PPL: variants seen among roughly 807,000 people sequenced by gnomAD.
PPL encodes 190 kDa paraneoplastic pemphigus antigen.
Under a neutral mutation model 194.4 loss-of-function variants are expected in PPL, and 198 were observed. The ratio of observed to expected loss-of-function variants is 1.02; its 90% confidence interval spans 0.91 to 1.15. PPL has a LOEUF of 1.15. Among genes scored for constraint, PPL ranks in the 50% most tolerant of loss-of-function variants. The probability of loss-of-function intolerance (pLI) is 0.00; values close to 1 mark genes in which losing one functional copy is unlikely to be tolerated. For synonymous variants in PPL, 1,220 were observed against 972.4 expected (o/e 1.25, Z -4.74); for missense variants, 2,885 against 2,294.8 (o/e 1.26, Z -5.25).
chr16:4,894,366 C>G lies in PPL; in HGVS notation c.1394+101G>C, dbSNP rs565199038. 5 of 1,462,798 alleles carry G rather than the reference C, an allele frequency of 3.4e-6. No homozygotes were observed. The Admixed American group carries it at 1.0e-4, about 30-fold the overall frequency. The allele number at this position is 1,462,798 out of a possible 1,614,324, so 90.6% of individuals were successfully genotyped here. On this transcript the variant is annotated intron_variant, in intron 12 of 21. Coordinates refer to ENST00000345988, the MANE Select transcript of PPL (RefSeq NM_002705.5). ...GATGGAGAGTGTCAGCGACCCCGCG[C>G]TCCCCACAGGCTGAGTCCAAATCCC...
chr16:4,904,802 T>A (rs1247688002), intron 2 of PPL, among the ~76,000 whole-genome samples: 3 of 150,772 alleles, frequency 2.0e-5, no homozygotes, highest in African/African-American at 7.3e-5. Context: ...ACAGCAAGGG[T>A]GTGGGCTGGG....
intron 19 of PPL, 119 bp from the exon 20 acceptor site, chr16:4,888,337 T>C (rs1646005579): frequency 1.5e-6 from 1 of 686,706 alleles, no homozygotes. Flanking sequence ...GGTTTTATAA[T>C]CTGCGTGGGT....
At chr16:4,894,375 G>A (rs374840320) in intron 12 of PPL, 92 bp downstream of exon 12, 4 of 1,516,786 alleles carry the variant, frequency 2.6e-6, no homozygotes, top group East Asian at 2.3e-5. Flanking sequence ...GCTCCCCACA[G>A]GCTGAGTCCA....
At chr16:4,890,585 G>T in intron 17 of PPL, 143 bp downstream of exon 17, 1 of 1,115,808 alleles carries the variant, frequency 9.0e-7, no homozygotes, top group Non-Finnish European at 1.3e-6. Flanking sequence ...TCAAAAGAGA[G>T]ACCACAGGGC....
Position 4,883,162 on chromosome 16 carries a change from T to C in PPL, c.*222A>G, listed in dbSNP as rs1044081677. The C allele has an allele frequency of 6.9e-6, 4 of 579,880 alleles. No individual in the cohort carries two copies. The African/African-American group carries it at 7.5e-5, about 11-fold the overall frequency. The allele number at this position is 579,880 out of a possible 1,614,324, so 35.9% of individuals were successfully genotyped here. A position where few individuals can be genotyped will look rare whatever the true frequency, so the allele number is the denominator to read the frequency against. On this transcript the variant is annotated 3_prime_UTR_variant, in exon 22 of 22. Transcript: ENST00000345988. This position sits in a 1 kb window ranked among gnomAD's most constrained non-coding sequence, Gnocchi z 4.8. ...TCGCAGTTGTCCAGTCATTGGAGGA[T>C]GAAGTACGTCACTCAGGGTGAATGA...
chr16:4,900,450 T>TTTTTTTTTTTTTTTTTTTTTTTC (rs2088539412), intron 6 of PPL, among the ~76,000 whole-genome samples: 1 of 125,712 alleles, frequency 8.0e-6, no homozygotes, highest in Non-Finnish European at 1.7e-5. Context: ...TTTTTTTTTT[T>TTTTTTTTTTTTTTTTTTTTTTTC]TTTTTTAAAG....
chr16:4,911,027 T>A, intron 1 of PPL, 78 bp from the exon 2 acceptor site: 1 of 1,227,656 alleles, frequency 8.1e-7, no homozygotes, highest in Non-Finnish European at 1.2e-6. Context: ...CCCCATCCTC[T>A]GGCTGGCCCC....
At position 4,893,380 on chromosome 16, in the gene PPL, G is replaced by A. The variant is rs201797532; in HGVS notation, c.1493-10C>T. 29 of 1,604,456 alleles carry A rather than the reference G, an allele frequency of 1.8e-5. No homozygotes were observed. The highest frequency in any genetic ancestry group is 6.6e-5 in the South Asian group (6 of 90,912). On this transcript the variant is annotated splice_polypyrimidine_tract_variant and intron_variant, in intron 13 of 21. Coordinates refer to ENST00000345988, the MANE Select transcript of PPL (RefSeq NM_002705.5). Reference sequence around the variant, plus strand: ...TGTAGGTCAGAGGCATCTGTGGAGGGAGGGAGGACACAGGCAGGTGTGACA... The same window carrying A: ...TGTAGGTCAGAGGCATCTGTGGAGGAAGGGAGGACACAGGCAGGTGTGACA...
At chr16:4,898,908 GC>G (rs2088485391) in intron 8 of PPL, 104 bp downstream of exon 8, 1 of 833,216 alleles carries the variant, frequency 1.2e-6, no homozygotes, top group South Asian at 1.5e-5. Context: ...GATGCAGCTT[GC>G]AGGACCCCCA....
Position 4,888,956 on chromosome 16 carries a change from G to C in PPL, c.2397+22C>G, listed in dbSNP as rs374376605. The stretch of plus-strand genomic sequence containing the variant: ...ATAAGACCCCTGCTGTTTGTGCTTT[G>C]GGCGGAAGTTTCCCGGCTCACCTTT... On this transcript the variant is annotated intron_variant, in intron 19 of 21. Transcript: ENST00000345988. The C allele has an allele frequency of 4.4e-6, 7 of 1,609,016 alleles. No individual in the cohort carries two copies. In the African/African-American group the frequency reaches 9.4e-5, roughly 22 times the overall value.
At chr16:4,910,764 G>T in intron 2 of PPL, 86 bp downstream of exon 2, 1 of 1,200,692 alleles carries the variant, frequency 8.3e-7, no homozygotes, top group Non-Finnish European at 1.2e-6. Flanking sequence ...CCCTGGGTGA[G>T]AATCACCGAT....
chr16:4,896,492 A>G (rs1256460378), intron 9 of PPL, among the ~76,000 whole-genome samples: 1 of 152,164 alleles, frequency 6.6e-6, no homozygotes, highest in Non-Finnish European at 1.5e-5. Context: ...AAGGGCAGAG[A>G]TTGCATGATC....
At chr16:4,928,745 T>C (rs1196137995) in intron 1 of PPL, among the ~76,000 whole-genome samples, 1 of 152,174 alleles carries the variant, frequency 6.6e-6, no homozygotes, top group Non-Finnish European at 1.5e-5. Context: ...GAGCAGTGGC[T>C]CATGCCTGTA....
At chr16:4,888,627 C>G in intron 19 of PPL, 1 of 337,030 alleles carries the variant, frequency 3.0e-6, no homozygotes, top group Non-Finnish European at 5.4e-6. Flanking sequence ...ACGCAGCTTT[C>G]CCCTTCCACT....
At position 4,900,936 on chromosome 16, in the gene PPL, G is replaced by A. The variant is rs559377728; in HGVS notation, c.564+28C>T. 8 of 1,613,972 alleles carry A rather than the reference G, an allele frequency of 5.0e-6. No homozygotes were observed. The South Asian group carries it at 6.6e-5, about 13-fold the overall frequency. On this transcript the variant is annotated intron_variant, in intron 5 of 21. Coordinates refer to ENST00000345988, the MANE Select transcript of PPL (RefSeq NM_002705.5). Reference sequence around the variant, plus strand: ...CAGGCGCGGCCCCCTCCATCCCTGGGTCCCCACCACACCAGCACACGCCCC... The same window carrying A: ...CAGGCGCGGCCCCCTCCATCCCTGGATCCCCACCACACCAGCACACGCCCC...
chr16:4,902,582 G>GGA lies in PPL; in HGVS notation c.318-58_318-57dup. ...GCTGGTTGGCACTGCCTGCACCCCA[G>GGA]GAGGGGCCCCCCACCCAGACCCCGG... On this transcript the variant is annotated intron_variant, in intron 3 of 21. Coordinates refer to ENST00000345988, the MANE Select transcript of PPL (RefSeq NM_002705.5). This position sits in a 1 kb window ranked among gnomAD's most constrained non-coding sequence, Gnocchi z 4.0. 6.3e-7 allele frequency: 1 copy of GGA among 1,584,472 alleles called. No homozygotes were observed. Among genetic ancestry groups the GGA allele is most frequent in the Non-Finnish European group, 8.6e-7 (1 of 1,164,156 alleles).
intron 1 of PPL, among the ~76,000 whole-genome samples, chr16:4,927,659 C>T (rs528330463): frequency 2.0e-4 from 30 of 152,368 alleles, no homozygotes; most frequent in African/African-American, 6.7e-4. Flanking sequence ...GCTAATTAGA[C>T]AGTAAATGTC....
chr16:4,885,072 G>T lies in PPL; in HGVS notation c.3583C>A (p.Leu1195Ile). Reference sequence around the variant, plus strand: ...CGGTACTTTCGCTCCTGCTCCACAAGCTCCAGGCGGAGGTTCGCCACTTCA... The same window carrying T: ...CGGTACTTTCGCTCCTGCTCCACAATCTCCAGGCGGAGGTTCGCCACTTCA... The part of the protein sequence containing the change: ...ESEVANLRLE[L>I]VEQERKYRGA... Residue 1195 changes from leucine to isoleucine, a missense_variant, in exon 22 of 22, where the codon CTT becomes ATT. Physicochemically the swap from Leu to Ile is conservative, Grantham distance 5. Transcript: ENST00000345988. The surrounding 1 kb of genome is among the most constrained non-coding windows in gnomAD (Gnocchi z 6.3). The T allele has an allele frequency of 6.2e-7, 1 of 1,613,702 alleles. No homozygotes were observed. Among genetic ancestry groups the T allele is most frequent in the Non-Finnish European group, 8.5e-7 (1 of 1,180,024 alleles).
chr16:4,883,812 G>C lies in PPL; in HGVS notation c.4843C>G (p.Leu1615Val). The C allele has an allele frequency of 6.2e-7, 1 of 1,614,106 alleles. No homozygotes were observed. The highest frequency in any genetic ancestry group is 8.5e-7 in the Non-Finnish European group (1 of 1,180,030). Residue 1615 changes from leucine (L) to valine (V), a missense_variant, in exon 22 of 22, where the codon CTG (leucine) becomes GTG (valine). Physicochemically the swap from Leu to Val is conservative, Grantham distance 32. Transcript: ENST00000345988. This position sits in a 1 kb window ranked among gnomAD's most constrained non-coding sequence, Gnocchi z 4.8. ...TTGAGGTCATCCAGTTCCCTCTCCA[G>C]GGACCACAGTCTGGAGTCATGGTTG... ...GTNHDSRLWS[L>V]ERELDDLKRL...
Sources: gnomAD v4.1 joint callset for allele counts (sites outside exome capture counted in the v4.1 genomes callset) on GRCh38, gnomAD v4.1.1 for gene constraint, Gnocchi (gnomAD v3.1) non-coding constraint, MANE v1.5 for transcripts, NCBI Gene and HGNC (gene_info 2026-07-23, HGNC 2026-07-21) for gene names.